PRRC2C: variants seen among roughly 807,000 people sequenced by gnomAD.
The protein encoded by PRRC2C is protein PRRC2C.
A neutral mutation model predicts 317.2 loss-of-function variants in PRRC2C; 72 were observed. That is an observed-to-expected ratio of 0.23 (90% CI 0.19 to 0.28). PRRC2C has a LOEUF of 0.28. PRRC2C is among the 10% of genes least tolerant of loss of function. PRRC2C has a pLI of 1.00. For missense variants in PRRC2C, 3,074 were observed against 3,459.7 expected (o/e 0.89, Z 2.80); for synonymous variants, 1,296 against 1,205.9 (o/e 1.07, Z -1.55).
intron 15 of PRRC2C, among the ~76,000 whole-genome samples, chr1:171,538,349 G>T (rs1677259576): frequency 6.6e-6 from 1 of 152,156 alleles, no homozygotes; most frequent in African/African-American, 2.4e-5. Flanking sequence ...AATATAGCTA[G>T]ATGTAATTTT....
intron 20 of PRRC2C, among the ~76,000 whole-genome samples, 194 bp downstream of exon 20, chr1:171,561,297 A>T (rs369271556): frequency 1.3e-5 from 2 of 152,102 alleles, no homozygotes; most frequent in African/African-American, 4.8e-5. Context: ...TACATACAGA[A>T]TAAAAAATAG....
intron 19 of PRRC2C, among the ~76,000 whole-genome samples, chr1:171,559,806 C>A (rs1264892669): frequency 6.6e-6 from 1 of 152,028 alleles, no homozygotes; most frequent in Non-Finnish European, 1.5e-5. Context: ...CAGGTGTGAG[C>A]CACCATGCCT....
At chr1:171,571,491 G>C (rs1298388057) in intron 24 of PRRC2C, 70 bp downstream of exon 24, 1 of 1,170,972 alleles carries the variant, frequency 8.5e-7, no homozygotes, top group Non-Finnish European at 1.3e-6. Flanking sequence ...AACAATATTC[G>C]TGGGGTATTT....
intron 1 of PRRC2C, among the ~76,000 whole-genome samples, chr1:171,496,279 T>C (rs545269573): frequency 1.4e-5 from 2 of 140,080 alleles, no homozygotes; most frequent in South Asian, 5.2e-4. Context: ...CTTGGCTCAC[T>C]ACAGCCTCTG....
intron 12 of PRRC2C, 54 bp from the exon 13 acceptor site, chr1:171,535,374 G>T: frequency 6.7e-7 from 1 of 1,489,624 alleles, no homozygotes; most frequent in Non-Finnish European, 9.0e-7. Context: ...AAAATCCTGT[G>T]TTTGATAAGT....
intron 1 of PRRC2C, among the ~76,000 whole-genome samples, chr1:171,506,812 A>G (rs1224750389): frequency 6.6e-6 from 1 of 151,192 alleles, no homozygotes; most frequent in Non-Finnish European, 1.5e-5. Flanking sequence ...AGTAATACCA[A>G]TTGGTGTATT....
chr1:171,501,170 T>C (rs2102136596), intron 1 of PRRC2C, among the ~76,000 whole-genome samples: 1 of 152,152 alleles, frequency 6.6e-6, no homozygotes, highest in Non-Finnish European at 1.5e-5. Context: ...GTGCTGGGGT[T>C]ACTACTCATG....
intron 34 of PRRC2C, among the ~76,000 whole-genome samples, chr1:171,590,792 T>G (rs975032712): frequency 3.9e-5 from 6 of 152,212 alleles, no homozygotes; most frequent in African/African-American, 1.2e-4. Context: ...CCAGTTCTAC[T>G]CCTGGCTCCT....
At position 171,559,505 on chromosome 1, in the gene PRRC2C, G is replaced by GTTTTTTTTTTTTTTTTTT. The variant is rs1236663155; in HGVS notation, c.6031+1365_6031+1366insTTTTTTTTTTTTTTTTTT. 2.0e-4 allele frequency among the ~76,000 whole-genome samples: 19 copies of GTTTTTTTTTTTTTTTTTT among 95,124 alleles called. 9 individuals carry two copies. The highest frequency in any genetic ancestry group is 2.4e-4 in the African/African-American group (6 of 24,866). The allele number at this position is 95,124 out of a possible 152,430, so 62.4% of individuals were successfully genotyped here. On this transcript the variant is annotated intron_variant, in intron 19 of 34. Transcript: ENST00000647382. ...ATCTGTTTACAAAATGGCATACCAA[G>GTTTTTTTTTTTTTTTTTT]TTTGTTTTTTTTTTTTTTTTTTTTT...
At chr1:171,528,466 T>C (rs1444851475) in intron 11 of PRRC2C, among the ~76,000 whole-genome samples, 1 of 150,818 alleles carries the variant, frequency 6.6e-6, no homozygotes, top group African/African-American at 2.4e-5. Flanking sequence ...TTTTTTGTGT[T>C]TTTTTTAGTA....
rs185836946 is a variant in PRRC2C at position 171,542,250 on chromosome 1, A to G, written c.4763+21A>G. On this transcript the variant is annotated intron_variant, in intron 16 of 34. Coordinates refer to ENST00000647382, the MANE Select transcript of PRRC2C (RefSeq NM_001387844.1). ...AGAGGGTGAGTACTTTGTTTTAAAT[A>G]TAGTTGCTTTTGCACCTTTAAAGAA... The G allele has an allele frequency of 1.1e-5, 16 of 1,477,124 alleles. No individual in the cohort carries two copies. The East Asian group carries it at 2.7e-4, about 25-fold the overall frequency. The allele number at this position is 1,477,124 out of a possible 1,614,324, so 91.5% of individuals were successfully genotyped here. A position where few individuals can be genotyped will look rare whatever the true frequency, so the allele number is the denominator to read the frequency against.
chr1:171,530,572 A>G (rs953424773), intron 11 of PRRC2C, among the ~76,000 whole-genome samples: 2 of 151,752 alleles, frequency 1.3e-5, no homozygotes, highest in Non-Finnish European at 1.5e-5. Flanking sequence ...TTTTTTTTTA[A>G]TATCTTACAA....
rs898657107 is a variant in PRRC2C, at chr1:171,557,950, A to G, written c.5838A>G (p.Leu1946=). ...CCCACAAACCAGTCCAGAATCCACT[A>G]CAGACTACATCTCAGTCTTCAAAAC... is the stretch of plus-strand genomic sequence containing the variant. The part of the protein sequence containing the change: ...AQTHKPVQNP[L]QTTSQSSKQP... The change falls in exon 19 of 35, where the codon CTA becomes CTG. Residue 1946 remains leucine, a synonymous_variant. Coordinates refer to ENST00000647382, the MANE Select transcript of PRRC2C (RefSeq NM_001387844.1). 6.2e-7 allele frequency: 1 copy of G among 1,607,084 alleles called. No homozygotes were observed. Among genetic ancestry groups the G allele is most frequent in the Non-Finnish European group, 8.5e-7 (1 of 1,176,816 alleles).
At chr1:171,547,744 A>G (rs1394603303) in intron 17 of PRRC2C, among the ~76,000 whole-genome samples, 1 of 150,890 alleles carries the variant, frequency 6.6e-6, no homozygotes, top group South Asian at 2.1e-4. Context: ...CCTCGGTTCA[A>G]GTGATTCTCC....
At chr1:171,568,486 A>C (rs1684096569) in intron 23 of PRRC2C, 147 bp downstream of exon 23, 14 of 1,307,788 alleles carry the variant, frequency 1.1e-5, no homozygotes, top group Non-Finnish European at 1.4e-5. Context: ...GGAGTACTGT[A>C]ATATAATTAG....
At chr1:171,590,648 T>G in intron 34 of PRRC2C, among the ~76,000 whole-genome samples, 1 of 152,208 alleles carries the variant, frequency 6.6e-6, no homozygotes, top group East Asian at 1.9e-4. Flanking sequence ...ATTTAAAGAC[T>G]ACCCAGCAGC....
intron 1 of PRRC2C, among the ~76,000 whole-genome samples, chr1:171,489,933 T>G (rs189096646): frequency 2.9e-3 from 436 of 152,304 alleles, no homozygotes; most frequent in Non-Finnish European, 4.6e-3. Flanking sequence ...TTTTTTTTCT[T>G]TTTTTAGATG....
intron 18 of PRRC2C, among the ~76,000 whole-genome samples, chr1:171,556,619 C>T (rs1448274702): frequency 6.6e-6 from 1 of 152,112 alleles, no homozygotes; most frequent in Non-Finnish European, 1.5e-5. Context: ...GCTAGGGACA[C>T]CTTATTTGCC....
chr1:171,494,426 T>A (rs1000519699), intron 1 of PRRC2C, among the ~76,000 whole-genome samples: 5 of 152,180 alleles, frequency 3.3e-5, no homozygotes, highest in African/African-American at 1.2e-4. Flanking sequence ...ATTCAACATA[T>A]GGTGGTATTC....
Sources: gnomAD v4.1 joint callset for allele counts (sites outside exome capture counted in the v4.1 genomes callset) on GRCh38, gnomAD v4.1.1 for gene constraint, MANE v1.5 for transcripts, NCBI Gene and HGNC (gene_info 2026-07-23, HGNC 2026-07-21) for gene names.